ADK: variants seen among roughly 807,000 people sequenced by gnomAD.
The protein encoded by ADK is adenosine kinase.
ADK carries 24 observed loss-of-function variants against 44.7 expected under a neutral mutation model. The ratio of observed to expected loss-of-function variants is 0.54; its 90% CI spans 0.39 to 0.76. The LOEUF is 0.76. Ranked by LOEUF, ADK falls within the 30% of genes least tolerant of loss-of-function variation. The pLI is 0.00. For synonymous variants in ADK, 128 were observed against 142.6 expected (o/e 0.90, Z 0.73); for missense variants, 321 against 425.1 (o/e 0.76, Z 2.15).
intron 4 of ADK, among the ~76,000 whole-genome samples, chr10:74,379,114 T>C (rs577648245): frequency 2.0e-5 from 3 of 151,872 alleles, no homozygotes; most frequent in Non-Finnish European, 4.4e-5. Context: ...TTTTAGTGAG[T>C]GTTGTTGGAA....
chr10:74,374,441 A>T (rs529358254), intron 4 of ADK, among the ~76,000 whole-genome samples: 26 of 152,280 alleles, frequency 1.7e-4, no homozygotes, highest in African/African-American at 6.3e-4. Context: ...CAAATGTAAA[A>T]TGTCTTATTT....
At chr10:74,177,888 G>T (rs1842400598) in intron 1 of ADK, among the ~76,000 whole-genome samples, 1 of 149,196 alleles carries the variant, frequency 6.7e-6, no homozygotes, top group Non-Finnish European at 1.5e-5. Context: ...TAACTGTGCT[G>T]AACTCGGACA....
At chr10:74,361,592 T>A (rs1181754270) in intron 4 of ADK, among the ~76,000 whole-genome samples, 2 of 152,240 alleles carry the variant, frequency 1.3e-5, no homozygotes, top group Admixed American at 1.3e-4. Flanking sequence ...TGTAACAAAT[T>A]GTTGTAGTTA....
chr10:74,201,511 TA>T (rs765732094), intron 2 of ADK, among the ~76,000 whole-genome samples: 8 of 152,196 alleles, frequency 5.3e-5, no homozygotes, highest in Non-Finnish European at 8.8e-5. Flanking sequence ...TATATTTTAA[TA>T]GTTGTTCTAT....
intron 3 of ADK, among the ~76,000 whole-genome samples, chr10:74,297,994 T>C (rs1000176533): frequency 2.0e-5 from 3 of 152,140 alleles, no homozygotes; most frequent in Admixed American, 6.5e-5. Context: ...TTTTTTTTAT[T>C]ACTAGGGCAT....
chr10:74,411,468 GT>G (rs1205370959), intron 6 of ADK, among the ~76,000 whole-genome samples: 4 of 152,134 alleles, frequency 2.6e-5, no homozygotes, highest in Non-Finnish European at 2.9e-5. Flanking sequence ...TCATATAAAA[GT>G]TATGTTTACA....
At chr10:74,502,441 A>G (rs1270628827) in intron 6 of ADK, among the ~76,000 whole-genome samples, 2 of 152,108 alleles carry the variant, frequency 1.3e-5, no homozygotes, top group South Asian at 4.1e-4. Context: ...GCACTTTCAC[A>G]ATCACAGAAG....
intron 9 of ADK, among the ~76,000 whole-genome samples, chr10:74,650,947 AT>A (rs140990112): frequency 0.022 from 3,346 of 152,290 alleles, 128 homozygotes; most frequent in African/African-American, 0.076. Flanking sequence ...TGATTCTTGT[AT>A]TGTTTGATGG....
intron 6 of ADK, among the ~76,000 whole-genome samples, chr10:74,413,270 C>T (rs1036707220): frequency 1.3e-5 from 2 of 152,124 alleles, no homozygotes; most frequent in South Asian, 2.1e-4. Context: ...TTTGAAGCTT[C>T]GAAGCCAAGC....
intron 6 of ADK, chr10:74,516,576 T>G (rs1848591519): frequency 6.6e-6 from 1 of 152,474 alleles, no homozygotes; most frequent in Non-Finnish European, 1.4e-5. Context: ...CAGGCTGGAG[T>G]GCAATGGTGT....
At chr10:74,562,358 T>G (rs1384671518) in intron 7 of ADK, among the ~76,000 whole-genome samples, 1 of 152,160 alleles carries the variant, frequency 6.6e-6, no homozygotes, top group Non-Finnish European at 1.5e-5. Flanking sequence ...ATGAGAAGAC[T>G]AGGAGTCTGA....
intron 1 of ADK, among the ~76,000 whole-genome samples, chr10:74,177,943 ATAT>A (rs1243002639): frequency 3.7e-4 from 21 of 56,856 alleles, no homozygotes; most frequent in African/African-American, 1.1e-3. Context: ...ATATATATAT[ATAT>A]TTTTTTTTTT....
intron 7 of ADK, among the ~76,000 whole-genome samples, chr10:74,547,232 T>A (rs1377668014): frequency 6.6e-6 from 1 of 151,952 alleles, no homozygotes; most frequent in East Asian, 1.9e-4. Context: ...GTCCCAAGAA[T>A]GTTCTTTCTA....
intron 7 of ADK, among the ~76,000 whole-genome samples, chr10:74,537,951 A>G (rs1288725461): frequency 6.6e-6 from 1 of 152,098 alleles, no homozygotes; most frequent in Non-Finnish European, 1.5e-5. Context: ...TTCACAAATG[A>G]CTTCAATTTA....
chr10:74,202,427 A>G (rs912875717), intron 2 of ADK, among the ~76,000 whole-genome samples: 4 of 152,136 alleles, frequency 2.6e-5, no homozygotes, highest in Non-Finnish European at 5.9e-5. Flanking sequence ...ATGAATATTC[A>G]TGTATAAGCT....
chr10:74,680,263 C>T (rs994298133), intron 10 of ADK, among the ~76,000 whole-genome samples: 3 of 147,094 alleles, frequency 2.0e-5, no homozygotes, highest in Admixed American at 6.8e-5. Context: ...TGCAGTGAGC[C>T]GAGATCGCAC....
chr10:74,595,391 TTGGGG>T (rs1851870803), intron 8 of ADK, among the ~76,000 whole-genome samples: 1 of 8,604 alleles, frequency 1.2e-4, no homozygotes, highest in African/African-American at 1.8e-4. Flanking sequence ...TTTTTTTTTT[TTGGGG>T]AGGGGGTTTG....
intron 9 of ADK, chr10:74,655,765 C>A: frequency 2.0e-6 from 1 of 494,392 alleles, no homozygotes; most frequent in African/African-American, 2.0e-5. Context: ...GACACCCTCC[C>A]TGGCCACCCA....
chr10:74,215,032 AG>A (rs901951520), intron 2 of ADK, among the ~76,000 whole-genome samples: 2 of 152,084 alleles, frequency 1.3e-5, no homozygotes, highest in African/African-American at 4.8e-5. Flanking sequence ...TTCTCTTTGT[AG>A]GGGCTAGAGG....
Sources: allele counts gnomAD v4.1 joint callset (sites outside exome capture counted in the v4.1 genomes callset), GRCh38; gene constraint gnomAD v4.1.1; transcripts MANE v1.5; gene names NCBI Gene and HGNC (gene_info 2026-07-23, HGNC 2026-07-21).